The following MECOM variants were observed in gnomAD, a reference collection of about 807,000 sequenced individuals.
MECOM encodes MDS1 and EVI1 complex locus.
Under a neutral mutation model 116.3 loss-of-function variants are expected in MECOM, and 13 were observed. The ratio of observed to expected loss-of-function variants is 0.11; its 90% confidence interval spans 0.07 to 0.18. The LOEUF is 0.18. Among genes scored for constraint, MECOM ranks in the 10% least tolerant of loss-of-function variants. The pLI is 1.00. For synonymous variants in MECOM, 528 were observed against 535.2 expected, an observed-to-expected ratio of 0.99 and a Z score of 0.19; for missense variants, 1,299 against 1,509.0, an observed-to-expected ratio of 0.86 and a Z score of 2.31.
At chr3:169,398,150 T>G (rs1735296052) in intron 1 of MECOM, among the ~76,000 whole-genome samples, 1 of 152,232 alleles carries the variant, frequency 6.6e-6, no homozygotes, top group African/African-American at 2.4e-5. Flanking sequence ...CAGGCTATTG[T>G]TTTTGTTATT....
At chr3:169,499,756 T>C (rs1305826032) in intron 1 of MECOM, among the ~76,000 whole-genome samples, 2 of 152,098 alleles carry the variant, frequency 1.3e-5, no homozygotes, top group Non-Finnish European at 2.9e-5. Context: ...GGCAAGATCA[T>C]GCAAGAGATT....
chr3:169,279,535 G>A (rs541332209), intron 2 of MECOM, among the ~76,000 whole-genome samples: 2 of 152,152 alleles, frequency 1.3e-5, no homozygotes, highest in African/African-American at 4.8e-5. Flanking sequence ...AGAAGAAAAG[G>A]GAAACTTCTA....
At chr3:169,578,603 A>G (rs541631060) in intron 1 of MECOM, among the ~76,000 whole-genome samples, 3 of 152,308 alleles carry the variant, frequency 2.0e-5, no homozygotes, top group Non-Finnish European at 4.4e-5. Flanking sequence ...CCAAAGTTCA[A>G]ATTAAACTTT....
At chr3:169,318,841 G>A (rs1720275171) in intron 2 of MECOM, among the ~76,000 whole-genome samples, 1 of 152,130 alleles carries the variant, frequency 6.6e-6, no homozygotes, top group African/African-American at 2.4e-5. Flanking sequence ...GCTCATGTCT[G>A]TAATCCCAGC....
chr3:169,123,064 CGTATTGCTAATACTCACTT>C (rs1731560239), intron 5 of MECOM, among the ~76,000 whole-genome samples: 2 of 151,852 alleles, frequency 1.3e-5, no homozygotes, highest in Admixed American at 1.3e-4. Context: ...AACAACAACA[CGTATTGCTAATACTCACTT>C]AATTGAAACA....
At chr3:169,401,940 GA>G (rs1735975349) in intron 1 of MECOM, among the ~76,000 whole-genome samples, 1 of 152,118 alleles carries the variant, frequency 6.6e-6, no homozygotes, top group African/African-American at 2.4e-5. Flanking sequence ...ATGGAAAATG[GA>G]AAGATCAGAA....
At chr3:169,380,684 A>G (rs894447462) in intron 2 of MECOM, among the ~76,000 whole-genome samples, 1 of 152,170 alleles carries the variant, frequency 6.6e-6, no homozygotes, top group African/African-American at 2.4e-5. Context: ...AGCATGTATA[A>G]TTAAAGCAGG....
chr3:169,365,538 G>A (rs2149833138), intron 2 of MECOM, among the ~76,000 whole-genome samples: 1 of 152,142 alleles, frequency 6.6e-6, no homozygotes, highest in Non-Finnish European at 1.5e-5. Context: ...TCTCTGACCT[G>A]TGTCACCATG....
intron 2 of MECOM, among the ~76,000 whole-genome samples, chr3:169,345,827 A>G (rs1288185879): frequency 6.6e-6 from 1 of 152,144 alleles, no homozygotes; most frequent in Non-Finnish European, 1.5e-5. Flanking sequence ...GTGATTTTAC[A>G]TAACGACATG....
At chr3:169,641,296 C>T (rs770076808) in intron 1 of MECOM, among the ~76,000 whole-genome samples, 6 of 152,120 alleles carry the variant, frequency 3.9e-5, no homozygotes, top group East Asian at 1.9e-4. Flanking sequence ...AGGACAGGAT[C>T]GGCTGAAGAA....
intron 3 of MECOM, among the ~76,000 whole-genome samples, chr3:169,141,785 G>A (rs1037031595): frequency 1.3e-5 from 2 of 151,796 alleles, no homozygotes; most frequent in Non-Finnish European, 2.9e-5. Flanking sequence ...GTTGTTTATG[G>A]ATGAATTTAC....
chr3:169,479,257 A>C (rs1750923674), intron 1 of MECOM, among the ~76,000 whole-genome samples: 1 of 142,906 alleles, frequency 7.0e-6, no homozygotes, highest in South Asian at 2.3e-4. Context: ...GAATTCACAT[A>C]GATAGGGATG....
At chr3:169,251,782 G>A (rs1756267386) in intron 2 of MECOM, among the ~76,000 whole-genome samples, 1 of 152,126 alleles carries the variant, frequency 6.6e-6, no homozygotes, top group African/African-American at 2.4e-5. Flanking sequence ...AAGTGAAGTG[G>A]TGTTCATTTA....
At chr3:169,233,719 A>G (rs1273578889) in intron 2 of MECOM, among the ~76,000 whole-genome samples, 2 of 152,136 alleles carry the variant, frequency 1.3e-5, no homozygotes, top group African/African-American at 4.8e-5. Flanking sequence ...AAAAAGAACC[A>G]TAGCCAAAAT....
In MECOM at chr3:169,084,782, A is replaced by T; in HGVS notation, c.*127T>A. The T allele has an allele frequency of 1.0e-6, 1 of 976,842 alleles. No individual in the cohort carries two copies. Among genetic ancestry groups the T allele is most frequent in the Non-Finnish European group, 1.5e-6 (1 of 652,004 alleles). The allele number at this position is 976,842 out of a possible 1,614,324, so 60.5% of individuals were successfully genotyped here. The stretch of plus-strand genomic sequence containing the variant: ...TTTTTAAATCATTCAGTTTAAGGTC[A>T]CTAGACTTTAGATGAGTGACCCTGC... On this transcript the variant is annotated 3_prime_UTR_variant, in exon 17 of 17. Transcript: ENST00000651503.
At chr3:169,527,703 G>C (rs1020646287) in intron 1 of MECOM, among the ~76,000 whole-genome samples, 3 of 152,094 alleles carry the variant, frequency 2.0e-5, no homozygotes, top group Non-Finnish European at 4.4e-5. Context: ...AGCTCTGAGG[G>C]CCTATGGTTA....
intron 1 of MECOM, among the ~76,000 whole-genome samples, chr3:169,542,555 T>A (rs1242609445): frequency 6.6e-6 from 1 of 152,240 alleles, no homozygotes; most frequent in Non-Finnish European, 1.5e-5. Context: ...TGGAAAGTGC[T>A]AATTGTTGAC....
intron 2 of MECOM, among the ~76,000 whole-genome samples, chr3:169,193,634 G>A (rs369292069): frequency 7.3e-5 from 11 of 151,548 alleles, no homozygotes; most frequent in African/African-American, 2.7e-4. Flanking sequence ...ATATTTTCAT[G>A]GAAAAACATT....
chr3:169,257,100 T>C (rs754786987), intron 2 of MECOM, among the ~76,000 whole-genome samples: 13 of 152,186 alleles, frequency 8.5e-5, no homozygotes, highest in Non-Finnish European at 1.6e-4. Flanking sequence ...CTGTAGTTTT[T>C]TAAAAATTCA....
Sources: gnomAD v4.1 joint callset for allele counts (sites outside exome capture counted in the v4.1 genomes callset) on GRCh38, gnomAD v4.1.1 for gene constraint, MANE v1.5 for transcripts, NCBI Gene and HGNC (gene_info 2026-07-23, HGNC 2026-07-21) for gene names.